SOCS7: variants seen among roughly 807,000 people sequenced by gnomAD.
The protein encoded by SOCS7 is suppressor of cytokine signaling 7, also known as NAP-4.
SOCS7 carries 18 observed loss-of-function variants against 58.9 expected under a neutral mutation model. That is an observed-to-expected ratio of 0.31 (90% CI 0.21 to 0.45). The LOEUF (loss-of-function observed/expected upper bound fraction) is 0.45, where lower values mean the gene tolerates loss of function less well. Ranked by LOEUF, SOCS7 falls within the 20% of genes least tolerant of loss-of-function variation. SOCS7 has a pLI of 1.00. For missense variants in SOCS7, 667 were observed against 837.3 expected (o/e 0.80, Z 2.51); for synonymous variants, 388 against 364.3 (o/e 1.06, Z -0.74).
rs758404350 is a variant in SOCS7 at position 38,352,273 on chromosome 17, CGGA to C, written c.231_233del (p.Glu77del). On this transcript the variant is annotated inframe_deletion, in exon 1 of 10. Transcript: ENST00000612932. The surrounding 1 kb of genome is among the most constrained non-coding windows in gnomAD (Gnocchi z 5.5). The stretch of plus-strand genomic sequence containing the variant: ...GTGTTCCGCAACGTGGGTCGGCCGC[CGGA>C]GGAGGAGGACGTGGAGGCGGCCCCG... The C allele has an allele frequency of 5.1e-5, 76 of 1,480,188 alleles. No individual in the cohort carries two copies. The highest frequency in any genetic ancestry group is 6.0e-5 in the Non-Finnish European group (67 of 1,125,458). 91.7% of individuals were successfully genotyped at this position (1,480,188 alleles called of 1,614,324 possible). A position where few individuals can be genotyped will look rare whatever the true frequency, so the allele number is the denominator to read the frequency against.
At position 38,352,269 on chromosome 17, in the gene SOCS7, C is replaced by T. The variant is rs1400915730; in HGVS notation, c.217C>T (p.Pro73Ser). 4.1e-6 allele frequency: 6 copies of T among 1,477,266 alleles called. No homozygotes were observed. Among genetic ancestry groups the T allele is most frequent in the South Asian group, 2.6e-5 (2 of 76,866 alleles). The allele number at this position is 1,477,266 out of a possible 1,614,324, so 91.5% of individuals were successfully genotyped here. A position where few individuals can be genotyped will look rare whatever the true frequency, so the allele number is the denominator to read the frequency against. ...GATGGTGTTCCGCAACGTGGGTCGG[C>T]CGCCGGAGGAGGAGGACGTGGAGGC... is the stretch of plus-strand genomic sequence containing the variant. ...QLMVFRNVGR[P>S]PEEEDVEAAP... The change falls in exon 1 of 10, where the codon CCG becomes TCG. Residue 73 changes from proline to serine, a missense_variant. Transcript: ENST00000612932. The surrounding 1 kb of genome is among the most constrained non-coding windows in gnomAD (Gnocchi z 5.5).
chr17:38,387,588 ATATATTATATACACAATATATTG>A (rs1381557627), intron 7 of SOCS7, among the ~76,000 whole-genome samples: 6 of 102,290 alleles, frequency 5.9e-5, no homozygotes, highest in Admixed American at 1.9e-4. Flanking sequence ...AATATATTGT[ATATATTATATACACAATATATTG>A]TATATTATAT....
chr17:38,376,221 T>C (rs997753381), intron 6 of SOCS7, among the ~76,000 whole-genome samples: 2 of 152,198 alleles, frequency 1.3e-5, no homozygotes, highest in African/African-American at 2.4e-5. Context: ...CAGTTCAGGA[T>C]GCAAGGCAGA....
intron 7 of SOCS7, among the ~76,000 whole-genome samples, chr17:38,388,818 G>A (rs542778811): frequency 1.3e-5 from 2 of 152,268 alleles, no homozygotes; most frequent in South Asian, 4.1e-4. Context: ...TGTAGCATCT[G>A]TCAGCACAGC....
At chr17:38,358,144 A>C (rs752477838) in intron 1 of SOCS7, among the ~76,000 whole-genome samples, 1 of 152,170 alleles carries the variant, frequency 6.6e-6, no homozygotes, top group Non-Finnish European at 1.5e-5. Context: ...ACCAAATGCT[A>C]TTCTTTCCCA....
chr17:38,363,742 A>G (rs1250628313), intron 2 of SOCS7, among the ~76,000 whole-genome samples: 3 of 152,084 alleles, frequency 2.0e-5, no homozygotes, highest in Non-Finnish European at 2.9e-5. Context: ...CCTTTGGTAG[A>G]TATTGGTCAC....
intron 1 of SOCS7, among the ~76,000 whole-genome samples, chr17:38,355,035 G>A (rs1555566666): frequency 6.6e-6 from 1 of 152,194 alleles, no homozygotes; most frequent in African/African-American, 2.4e-5. Context: ...GCTTAGTTCA[G>A]GGCACTGGAG....
intron 7 of SOCS7, among the ~76,000 whole-genome samples, chr17:38,380,084 A>G (rs1472151003): frequency 6.6e-6 from 1 of 152,108 alleles, no homozygotes; most frequent in Non-Finnish European, 1.5e-5. Context: ...ACATCACTCT[A>G]TTTGTAGAAT....
intron 7 of SOCS7, among the ~76,000 whole-genome samples, chr17:38,386,323 CAAAAAAAA>C (rs548448434): frequency 5.8e-5 from 3 of 51,800 alleles, no homozygotes; most frequent in South Asian, 7.6e-4. Context: ...GGCTGTGTCT[CAAAAAAAA>C]AAAAAAAAAA....
rs1188345611 is a variant in SOCS7, at chr17:38,401,454, T to G, written c.*1972T>G. 2 of 150,244 alleles carry G rather than the reference T, an allele frequency of 1.3e-5. No homozygotes were observed. Among genetic ancestry groups the G allele is most frequent in the Non-Finnish European group, 2.9e-5 (2 of 68,028 alleles). 9.3% of individuals were successfully genotyped at this position (150,244 alleles called of 1,614,324 possible). ...TGGCTGATATACAGCCTGGGATCTTTCTTTTTTTTGTTCCTTTTCAACCAC... is the reference window on the plus strand; with the variant it reads ...TGGCTGATATACAGCCTGGGATCTTGCTTTTTTTTGTTCCTTTTCAACCAC... On this transcript the variant is annotated 3_prime_UTR_variant, in exon 10 of 10. Coordinates refer to ENST00000612932, the MANE Select transcript of SOCS7 (RefSeq NM_014598.4).
intron 2 of SOCS7, among the ~76,000 whole-genome samples, chr17:38,363,622 A>G (rs2037748765): frequency 6.6e-6 from 1 of 152,086 alleles, no homozygotes; most frequent in Non-Finnish European, 1.5e-5. Flanking sequence ...GGTGTGACCC[A>G]CTGCACCTGG....
chr17:38,389,871 A>G (rs1201289456), intron 7 of SOCS7, among the ~76,000 whole-genome samples: 3 of 115,000 alleles, frequency 2.6e-5, no homozygotes, highest in African/African-American at 1.1e-4. Context: ...GTGTGTACAT[A>G]TATATATATA....
rs1234593796 is a variant in SOCS7 at position 38,388,803 on chromosome 17, AGT to A, written c.1682-6503_1682-6502del. Among the ~76,000 whole-genome samples, 3 of 152,204 alleles carry A rather than the reference AGT, an allele frequency of 2.0e-5. No homozygotes were observed. In the East Asian group the frequency reaches 5.8e-4, roughly 29 times the overall value. ...TAGCATAATGTTTTCAAAGTTCACC[AGT>A]GTTGTAGCATCTGTCAGCACAGCAT... On this transcript the variant is annotated intron_variant, in intron 7 of 9. Coordinates refer to ENST00000612932, the MANE Select transcript of SOCS7 (RefSeq NM_014598.4).
chr17:38,373,958 C>T (rs886872663), intron 6 of SOCS7, among the ~76,000 whole-genome samples: 2 of 152,248 alleles, frequency 1.3e-5, no homozygotes, highest in Non-Finnish European at 2.9e-5. Context: ...GAGTGGCTCA[C>T]GCCTGTAATC....
chr17:38,392,079 T>C (rs1414986853), intron 7 of SOCS7, among the ~76,000 whole-genome samples: 1 of 152,188 alleles, frequency 6.6e-6, no homozygotes, highest in Non-Finnish European at 1.5e-5. Flanking sequence ...CCCAGTTGGG[T>C]CTTATCCTGG....
rs1480966705 is a variant in SOCS7 at position 38,352,181 on chromosome 17, T to G, written c.129T>G (p.His43Gln). ...GCCCTCCGCCACCGCCCCCGGGCCA[T>G]GGCCCCCCGCCGCCACCCTTCCTCG... ...EPGPPPPPPG[H>Q]GPPPPPFLAR... The change falls in exon 1 of 10, where the codon CAT (histidine) becomes CAG (glutamine). Residue 43 changes from histidine (H) to glutamine (Q), a missense_variant. Coordinates refer to ENST00000612932, the MANE Select transcript of SOCS7 (RefSeq NM_014598.4). The surrounding 1 kb of genome is among the most constrained non-coding windows in gnomAD (Gnocchi z 5.5). 7.9e-7 allele frequency: 1 copy of G among 1,266,152 alleles called. No homozygotes were observed. Among genetic ancestry groups the G allele is most frequent in the Non-Finnish European group, 9.9e-7 (1 of 1,009,272 alleles). 78.4% of individuals were successfully genotyped at this position (1,266,152 alleles called of 1,614,324 possible). A position where few individuals can be genotyped will look rare whatever the true frequency, so the allele number is the denominator to read the frequency against.
intron 7 of SOCS7, among the ~76,000 whole-genome samples, chr17:38,387,082 TA>T (rs1214323571): frequency 0.034 from 1,660 of 48,496 alleles, 49 homozygotes; most frequent in East Asian, 0.06. Flanking sequence ...ACTCTTATCT[TA>T]AAAAAAAAAA....
chr17:38,395,668 C>G lies in SOCS7; in HGVS notation c.1818-180C>G, dbSNP rs2241673. 2.3e-3 allele frequency among the ~76,000 whole-genome samples: 356 copies of G among 152,256 alleles called. 12 individuals are homozygous for G. In the East Asian group the frequency reaches 0.064, roughly 27 times the overall value. Reference sequence around the variant, plus strand: ...TGTGTCAGCCTTCCTTCTGCAGTCTCTAGGAAGAATAGAGTAGAAGTGGTA... The same window carrying G: ...TGTGTCAGCCTTCCTTCTGCAGTCTGTAGGAAGAATAGAGTAGAAGTGGTA... On this transcript the variant is annotated intron_variant, in intron 8 of 9. Coordinates refer to ENST00000612932, the MANE Select transcript of SOCS7 (RefSeq NM_014598.4).
chr17:38,365,479 A>C (rs2037777804), intron 4 of SOCS7, 70 bp downstream of exon 4: 1 of 974,980 alleles, frequency 1.0e-6, no homozygotes, highest in Non-Finnish European at 1.5e-6. Context: ...CCATAGAAGG[A>C]TGGGAGAAAT....
Sources: gnomAD v4.1 joint callset for allele counts (sites outside exome capture counted in the v4.1 genomes callset) on GRCh38, gnomAD v4.1.1 for gene constraint, Gnocchi (gnomAD v3.1) non-coding constraint, MANE v1.5 for transcripts, NCBI Gene and HGNC (gene_info 2026-07-23, HGNC 2026-07-21) for gene names.